SIAE: variants seen among roughly 807,000 people sequenced by gnomAD.
SIAE encodes sialate O-acetylesterase.
Under a neutral mutation model 52.6 loss-of-function variants are expected in SIAE, and 39 were observed. The ratio of observed to expected loss-of-function variants is 0.74; its 90% CI spans 0.57 to 0.97. The LOEUF is 0.97. Among genes scored for constraint, SIAE ranks in the 50% least tolerant of loss-of-function variants. The probability of loss-of-function intolerance (pLI) is 0.00; values close to 1 mark genes in which losing one functional copy is unlikely to be tolerated. For missense variants in SIAE, 592 were observed against 662.1 expected (o/e 0.89, Z 1.16); for synonymous variants, 233 against 241.4 (o/e 0.97, Z 0.32).
intron 2 of SIAE, among the ~76,000 whole-genome samples, chr11:124,661,284 C>A (rs569733102): frequency 2.0e-5 from 3 of 152,166 alleles, no homozygotes; most frequent in Non-Finnish European, 4.4e-5. Flanking sequence ...GCCTTCACTC[C>A]CCGTCTCCTC....
intron 6 of SIAE, among the ~76,000 whole-genome samples, chr11:124,647,720 T>C (rs1942960887): frequency 6.6e-6 from 1 of 152,164 alleles, no homozygotes; most frequent in Non-Finnish European, 1.5e-5. Context: ...CCTGGAATCC[T>C]GAGACTATTA....
intron 7 of SIAE, among the ~76,000 whole-genome samples, chr11:124,640,683 G>A (rs1447216547): frequency 6.6e-6 from 1 of 152,170 alleles, no homozygotes; most frequent in Non-Finnish European, 1.5e-5. Context: ...TTGCCATGTG[G>A]ATTTGCAGTT....
rs912600829 is a variant in SIAE at position 124,634,683 on chromosome 11, T to C, written c.*2268A>G. ...TATATGTCCATTAATAGGAAATTGG[T>C]TAAATAAAATGAGGCTTCCACAAAC... is the stretch of plus-strand genomic sequence containing the variant. On this transcript the variant is annotated 3_prime_UTR_variant, in exon 10 of 10. Coordinates refer to ENST00000263593, the MANE Select transcript of SIAE (RefSeq NM_170601.5). 3 of 152,182 alleles carry C rather than the reference T, an allele frequency of 2.0e-5. No homozygotes were observed. Among genetic ancestry groups the C allele is most frequent in the Non-Finnish European group, 4.4e-5 (3 of 68,032 alleles). The allele number at this position is 152,182 out of a possible 1,614,324, so 9.4% of individuals were successfully genotyped here. A position where few individuals can be genotyped will look rare whatever the true frequency, so the allele number is the denominator to read the frequency against.
intron 1 of SIAE, among the ~76,000 whole-genome samples, chr11:124,672,050 A>G (rs1364055829): frequency 6.6e-6 from 1 of 151,404 alleles, no homozygotes; most frequent in Non-Finnish European, 1.5e-5. Context: ...TGCTGGGATT[A>G]CAAGCATGAG....
chr11:124,642,909 G>C (rs571190252), intron 7 of SIAE, among the ~76,000 whole-genome samples: 1 of 152,208 alleles, frequency 6.6e-6, no homozygotes, highest in Admixed American at 6.5e-5. Flanking sequence ...GCTGCCATGA[G>C]TTCTACAGCT....
upstream of SIAE, chr11:124,675,091 G>A (rs1051817264): frequency 1.3e-5 from 9 of 705,546 alleles, no homozygotes; most frequent in Admixed American, 2.0e-4. Context: ...AAACTCTTTG[G>A]AAGAAATGGA....
intron 9 of SIAE, among the ~76,000 whole-genome samples, chr11:124,637,834 C>A (rs1353113413): frequency 6.6e-6 from 1 of 152,148 alleles, no homozygotes; most frequent in Non-Finnish European, 1.5e-5. Flanking sequence ...AATAGCAGCC[C>A]TAGACAAACT....
At chr11:124,669,553 T>A in intron 1 of SIAE, 32 bp from the exon 2 acceptor site, 2 of 1,598,212 alleles carry the variant, frequency 1.3e-6, no homozygotes, top group Non-Finnish European at 8.5e-7. Context: ...GAGGGAAGCA[T>A]CATCGGAGAG....
At chr11:124,644,567 T>C (rs1260092455) in intron 7 of SIAE, among the ~76,000 whole-genome samples, 2 of 152,166 alleles carry the variant, frequency 1.3e-5, no homozygotes, top group Non-Finnish European at 2.9e-5. Context: ...TAATCTGAGA[T>C]ACAGTGGGGC....
chr11:124,638,984 T>A (rs1452768889), intron 8 of SIAE, among the ~76,000 whole-genome samples: 2 of 152,086 alleles, frequency 1.3e-5, no homozygotes, highest in Non-Finnish European at 2.9e-5. Context: ...AAGGGCAGGT[T>A]GGGAGGAGGG....
chr11:124,673,926 G>C (rs565184948), upstream of SIAE: 2 of 587,990 alleles, frequency 3.4e-6, no homozygotes, highest in Non-Finnish European at 3.0e-6. Flanking sequence ...AACCGGAACC[G>C]GCGGCACCAG....
intron 7 of SIAE, among the ~76,000 whole-genome samples, chr11:124,641,970 A>AG (rs1942855209): frequency 6.6e-6 from 1 of 150,600 alleles, no homozygotes; most frequent in African/African-American, 2.5e-5. Context: ...AAAAAAAAAA[A>AG]AAAAAAAAAA....
At chr11:124,658,768 G>A (rs1943139223) in intron 3 of SIAE, 2 of 152,046 alleles carry the variant, frequency 1.3e-5, no homozygotes, top group Admixed American at 6.6e-5. Context: ...CACATGGAAG[G>A]AGGGAAGGAG....
intron 4 of SIAE, among the ~76,000 whole-genome samples, chr11:124,651,106 A>G (rs1051371206): frequency 6.6e-6 from 1 of 152,350 alleles, no homozygotes. Flanking sequence ...TAGACAGTGC[A>G]ATAGTGAGGA....
chr11:124,641,487 C>T (rs568712524), intron 7 of SIAE, among the ~76,000 whole-genome samples: 22 of 152,326 alleles, frequency 1.4e-4, no homozygotes, highest in African/African-American at 5.3e-4. Flanking sequence ...CAATAAAGAA[C>T]CTCTGTAGAG....
At chr11:124,658,846 GAAAGGAGCA>G (rs1943141552) in intron 3 of SIAE, 2 of 152,048 alleles carry the variant, frequency 1.3e-5, no homozygotes, top group South Asian at 4.1e-4. Flanking sequence ...TTTGTAGGAG[GAAAGGAGCA>G]AAAGGAATAA....
chr11:124,662,827 T>C (rs1325053032), intron 2 of SIAE, among the ~76,000 whole-genome samples: 2 of 152,224 alleles, frequency 1.3e-5, no homozygotes, highest in African/African-American at 4.8e-5. Context: ...TCTAGCTTTT[T>C]TTCCTTTCCT....
In SIAE at chr11:124,669,212, C is replaced by T; in HGVS notation, c.229+148G>A. 2.7e-6 allele frequency: 3 copies of T among 1,093,086 alleles called. No homozygotes were observed. In the South Asian group the frequency reaches 4.0e-5, roughly 15 times the overall value. The allele number at this position is 1,093,086 out of a possible 1,614,324, so 67.7% of individuals were successfully genotyped here. A position where few individuals can be genotyped will look rare whatever the true frequency, so the allele number is the denominator to read the frequency against. Reference sequence around the variant, plus strand: ...GTATCCTCAGTGCCTAAGCACATGGCAAATATTCAAATAACTTTTATGGAT... The same window carrying T: ...GTATCCTCAGTGCCTAAGCACATGGTAAATATTCAAATAACTTTTATGGAT... On this transcript the variant is annotated intron_variant, in intron 2 of 9. Transcript: ENST00000263593.
At chr11:124,638,180 A>G (rs1942782623) in intron 9 of SIAE, among the ~76,000 whole-genome samples, 2 of 152,224 alleles carry the variant, frequency 1.3e-5, no homozygotes, top group East Asian at 1.9e-4. Flanking sequence ...CAAAAAATAC[A>G]CCCAAGGATG....
Sources: allele counts gnomAD v4.1 joint callset (sites outside exome capture counted in the v4.1 genomes callset), GRCh38; gene constraint gnomAD v4.1.1; transcripts MANE v1.5; gene names NCBI Gene and HGNC (gene_info 2026-07-23, HGNC 2026-07-21).